The following SLF1 variants were observed in gnomAD, a reference collection of about 807,000 sequenced individuals.
The protein encoded by SLF1 is SMC5-SMC6 complex localization factor protein 1.
A neutral mutation model predicts 123.0 loss-of-function variants in SLF1; 105 were observed. That is an observed-to-expected ratio of 0.85 (90% CI 0.73 to 1.00). The LOEUF is 1.00. Among genes scored for constraint, SLF1 ranks in the 50% least tolerant of loss-of-function variants. The pLI is 0.00. For missense variants in SLF1, 1,239 were observed against 1,223.0 expected (o/e 1.01, Z -0.20); for synonymous variants, 434 against 406.6 (o/e 1.07, Z -0.81).
chr5:94,638,494 A>G (rs143810877), intron 4 of SLF1, among the ~76,000 whole-genome samples: 29 of 152,068 alleles, frequency 1.9e-4, no homozygotes, highest in African/African-American at 5.8e-4. Flanking sequence ...CTTTGTTTCT[A>G]TCTGACCCCA....
chr5:94,668,354 G>A (rs920317658), intron 12 of SLF1, among the ~76,000 whole-genome samples: 2 of 151,854 alleles, frequency 1.3e-5, no homozygotes, highest in African/African-American at 4.8e-5. Context: ...TGTTTTTTGA[G>A]AAGAAGTTTC....
At position 94,669,958 on chromosome 5, in the gene SLF1, T is replaced by G. The variant is rs139837105; in HGVS notation, c.1533-193T>G. 2.6e-5 allele frequency among the ~76,000 whole-genome samples: 4 copies of G among 151,830 alleles called. No homozygotes were observed. The East Asian group carries it at 7.7e-4, about 29-fold the overall frequency. On this transcript the variant is annotated intron_variant, in intron 12 of 20. Transcript: ENST00000265140. ...GAAATTAGATCTATTTATTAAGAAT[T>G]AAGTACTCATGAGATATTTGACATT...
chr5:94,661,416 G>A (rs1462019744), intron 9 of SLF1, among the ~76,000 whole-genome samples: 1 of 152,096 alleles, frequency 6.6e-6, no homozygotes, highest in African/African-American at 2.4e-5. Context: ...TTCTCTCTTA[G>A]ATGCCCTATT....
intron 14 of SLF1, 195 bp from the exon 15 acceptor site, chr5:94,678,613 T>C: frequency 4.6e-6 from 2 of 437,890 alleles, no homozygotes; most frequent in Non-Finnish European, 7.8e-6. Context: ...TGTTAACTCT[T>C]TTGTCATGTG....
chr5:94,638,109 G>A (rs750112164), intron 4 of SLF1, among the ~76,000 whole-genome samples: 11 of 151,996 alleles, frequency 7.2e-5, no homozygotes, highest in Non-Finnish European at 1.3e-4. Flanking sequence ...GGTATGTTGC[G>A]CTACCACCAA....
At chr5:94,649,934 C>T (rs1164905339) in intron 6 of SLF1, among the ~76,000 whole-genome samples, 1 of 151,834 alleles carries the variant, frequency 6.6e-6, no homozygotes, top group Non-Finnish European at 1.5e-5. Context: ...TACCTGAGAG[C>T]ACAATATATA....
At chr5:94,678,518 T>A in intron 14 of SLF1, 1 of 198,448 alleles carries the variant, frequency 5.0e-6, no homozygotes. Flanking sequence ...TTTAATGGAA[T>A]TATTTCCTAA....
intron 9 of SLF1, among the ~76,000 whole-genome samples, chr5:94,660,294 G>A (rs1209371313): frequency 6.6e-6 from 1 of 152,136 alleles, no homozygotes; most frequent in Non-Finnish European, 1.5e-5. Context: ...GGGCGTGGCT[G>A]CCAGCTGTGG....
At chr5:94,621,939 G>A (rs1283452884) in intron 1 of SLF1, among the ~76,000 whole-genome samples, 1 of 151,610 alleles carries the variant, frequency 6.6e-6, no homozygotes, top group East Asian at 1.9e-4. Context: ...TCCTATCTTT[G>A]AAGGATGGGG....
intron 7 of SLF1, among the ~76,000 whole-genome samples, 162 bp downstream of exon 7, chr5:94,652,007 C>CTTTTTTCTT (rs372006740): frequency 0.092 from 11,158 of 121,346 alleles, 468 homozygotes; most frequent in South Asian, 0.13. Context: ...GTATTATTTT[C>CTTTTTTCTT]TTTTTTCTTT....
intron 5 of SLF1, among the ~76,000 whole-genome samples, chr5:94,644,699 C>G (rs1746814417): frequency 6.6e-6 from 1 of 152,168 alleles, no homozygotes; most frequent in African/African-American, 2.4e-5. Context: ...ACAGGGAAGC[C>G]TCCTTGATCC....
rs951644069 is a variant in SLF1 at position 94,649,470 on chromosome 5, A to C, written c.611A>C (p.Asp204Ala). Reference protein sequence around the residue: ...DFLLEKEIQNDEDSQTNSVWT... With the variant: ...DFLLEKEIQNAEDSQTNSVWT... The stretch of plus-strand genomic sequence containing the variant: ...TACATACAGAAAGAAATTCAGAATG[A>C]TGAAGATTCCCAAACCAATTCTGTT... The change falls in exon 6 of 21, where the codon GAT becomes GCT. Residue 204 changes from aspartate (D) to alanine (A), a missense_variant. Coordinates refer to ENST00000265140, the MANE Select transcript of SLF1 (RefSeq NM_032290.4). 6 of 1,498,190 alleles carry C rather than the reference A, an allele frequency of 4.0e-6. No individual in the cohort carries two copies. The highest frequency in any genetic ancestry group is 5.4e-6 in the Non-Finnish European group (6 of 1,111,056). The allele number at this position is 1,498,190 out of a possible 1,614,324, so 92.8% of individuals were successfully genotyped here. A position where few individuals can be genotyped will look rare whatever the true frequency, so the allele number is the denominator to read the frequency against.
chr5:94,619,911 CT>C (rs1791540266), intron 1 of SLF1, among the ~76,000 whole-genome samples: 1 of 152,112 alleles, frequency 6.6e-6, no homozygotes. Flanking sequence ...TTGACAGAGC[CT>C]TGCTCTGTTG....
At chr5:94,652,525 T>C (rs1747859346) in intron 7 of SLF1, among the ~76,000 whole-genome samples, 1 of 152,240 alleles carries the variant, frequency 6.6e-6, no homozygotes, top group South Asian at 2.1e-4. Context: ...AATTTTATTG[T>C]TTGACTATGC....
chr5:94,666,046 G>A (rs576281956), intron 12 of SLF1, 22 bp downstream of exon 12: 14 of 1,524,924 alleles, frequency 9.2e-6, no homozygotes, highest in Middle Eastern at 1.7e-4. Context: ...CACATTTGAC[G>A]ATGCTACATT....
chr5:94,687,350 CA>C (rs1213710772), intron 16 of SLF1, among the ~76,000 whole-genome samples: 1 of 152,130 alleles, frequency 6.6e-6, no homozygotes, highest in Admixed American at 6.5e-5. Flanking sequence ...CCATCCTGGA[CA>C]ACATAGTGAG....
rs1252373961 is a variant in SLF1 at position 94,697,173 on chromosome 5, C to T, written c.*1861C>T. 1 of 151,860 alleles carries T rather than the reference C, an allele frequency of 6.6e-6. No individual in the cohort carries two copies. Among genetic ancestry groups the T allele is most frequent in the Non-Finnish European group, 1.5e-5 (1 of 67,876 alleles). 9.4% of individuals were successfully genotyped at this position (151,860 alleles called of 1,614,324 possible). Reference sequence around the variant, plus strand: ...GACATGAAGTGTGAAACAGATGTCACTGAGGTCTCTGCCTTTAAGAAGTTT... The same window carrying T: ...GACATGAAGTGTGAAACAGATGTCATTGAGGTCTCTGCCTTTAAGAAGTTT... On this transcript the variant is annotated 3_prime_UTR_variant, in exon 21 of 21. Transcript: ENST00000265140.
intron 9 of SLF1, 131 bp from the exon 10 acceptor site, chr5:94,662,167 G>A: frequency 1.7e-6 from 1 of 585,814 alleles, no homozygotes; most frequent in Non-Finnish European, 2.7e-6. Flanking sequence ...GTAAATATGA[G>A]TATCATATTA....
Position 94,628,879 on chromosome 5 carries a change from A to G in SLF1, c.69A>G (p.Leu23=). 1.9e-6 allele frequency: 3 copies of G among 1,550,312 alleles called. No homozygotes were observed. The highest frequency in any genetic ancestry group is 2.6e-6 in the Non-Finnish European group (3 of 1,146,410). ...TGFKMEEKEA[L]VKLLLKLDCT... ...TTAAGATGGAAGAAAAAGAAGCGCT[A>G]GTCAAATTACTTTTAAAACTAGATT... Residue 23 remains leucine (L), a synonymous_variant, in exon 2 of 21, where the codon CTA becomes CTG. Transcript: ENST00000265140.
Sources: allele counts gnomAD v4.1 joint callset (sites outside exome capture counted in the v4.1 genomes callset), GRCh38; gene constraint gnomAD v4.1.1; transcripts MANE v1.5; gene names NCBI Gene and HGNC (gene_info 2026-07-23, HGNC 2026-07-21).